Variants in KIF7 observed in about 807,000 individuals in gnomAD.
KIF7 encodes kinesin family member 7.
Under a neutral mutation model 135.7 loss-of-function variants are expected in KIF7, and 104 were observed. The ratio of observed to expected loss-of-function variants is 0.77; its 90% CI spans 0.65 to 0.90. The LOEUF is 0.90. KIF7 is among the 40% of genes least tolerant of loss of function. KIF7 has a pLI of 0.00. For missense variants in KIF7, 2,005 were observed against 1,839.1 expected (o/e 1.09, Z -1.65); for synonymous variants, 883 against 809.4 (o/e 1.09, Z -1.54).
chr15:89,637,619 G>A (rs1160249935), intron 11 of KIF7, among the ~76,000 whole-genome samples: 1 of 148,728 alleles, frequency 6.7e-6, no homozygotes, highest in Non-Finnish European at 1.5e-5. Flanking sequence ...GACTAAACCA[G>A]GAAGAAGTTG....
Position 89,648,982 on chromosome 15 carries a change from C to T in KIF7, c.915G>A (p.Lys305=), listed in dbSNP as rs1964074140. 1.3e-6 allele frequency: 2 copies of T among 1,538,152 alleles called. No homozygotes were observed. Among genetic ancestry groups the T allele is most frequent in the Non-Finnish European group, 1.8e-6 (2 of 1,140,760 alleles). ...GCCAGGGGGCAGCTCACCGGGTGAT[C>T]TTGGAGTCGCGGTAGGGTATGTGGC... ...RGSHIPYRDS[K]ITRILKDSLG... Residue 305 remains lysine (K), a synonymous_variant, in exon 4 of 19, where the codon AAG becomes AAA. Coordinates refer to ENST00000394412, the MANE Select transcript of KIF7 (RefSeq NM_198525.3).
chr15:89,648,140 G>C (rs1964049275), intron 5 of KIF7, 115 bp downstream of exon 5: 4 of 1,341,668 alleles, frequency 3.0e-6, no homozygotes, highest in Non-Finnish European at 3.8e-6. Flanking sequence ...AATCCCGAAC[G>C]TGCCCTGCTA....
rs1441761364 is a variant in KIF7 at position 89,645,022 on chromosome 15, C to T, written c.2182G>A (p.Val728Ile). 8 of 1,608,192 alleles carry T rather than the reference C, an allele frequency of 5.0e-6. No homozygotes were observed. Among genetic ancestry groups the T allele is most frequent in the Non-Finnish European group, 6.8e-6 (8 of 1,179,998 alleles). The change falls in exon 10 of 19, where the codon GTC (valine) becomes ATC (isoleucine). Residue 728 changes from valine (V) to isoleucine (I), a missense_variant. Val to Ile is a conservative substitution (Grantham distance 29). Coordinates refer to ENST00000394412, the MANE Select transcript of KIF7 (RefSeq NM_198525.3). Reference sequence around the variant, plus strand: ...GATGCCCACGCCTCACCTGTGCGGACCAGCTCGCCAATAAGCTCCTCCTTC... The same window carrying T: ...GATGCCCACGCCTCACCTGTGCGGATCAGCTCGCCAATAAGCTCCTCCTTC... ...RMKEELIGEL[V>I]RTGKAAQALN...
At chr15:89,646,097 C>T in intron 7 of KIF7, 71 bp from the exon 8 acceptor site, 1 of 1,579,068 alleles carries the variant, frequency 6.3e-7, no homozygotes, top group African/African-American at 1.3e-5. Flanking sequence ...CTGCCCTCCT[C>T]ATATCTCTCC....
intron 1 of KIF7, chr15:89,619,971 G>A: frequency 2.7e-6 from 3 of 1,131,888 alleles, no homozygotes. Flanking sequence ...ATGTCTAGTT[G>A]AGGTTCAGGG....
At chr15:89,633,084 T>C in intron 13 of KIF7, 57 bp downstream of exon 13, 4 of 1,600,288 alleles carry the variant, frequency 2.5e-6, no homozygotes, top group Non-Finnish European at 2.5e-6. Context: ...GGGAGAAAGG[T>C]GCACCCACCA....
chr15:89,624,489 G>T, downstream of KIF7: 1 of 1,614,068 alleles, frequency 6.2e-7, no homozygotes, highest in Non-Finnish European at 8.5e-7. Flanking sequence ...ATCCCAGAAG[G>T]AGCATCGTGG....
chr15:89,626,676 G>A (rs958197673), downstream of KIF7, among the ~76,000 whole-genome samples: 4 of 152,210 alleles, frequency 2.6e-5, no homozygotes, highest in East Asian at 3.9e-4. Context: ...CCAGAGATCT[G>A]AGACCTAGAA....
downstream of KIF7, chr15:89,627,299 C>A: frequency 1.7e-6 from 1 of 591,392 alleles, no homozygotes; most frequent in South Asian, 2.4e-5. Flanking sequence ...AGGTGGATGG[C>A]AATGTGATTG....
chr15:89,645,187 G>A (rs1300654993), intron 9 of KIF7, 22 bp from the exon 10 acceptor site: 1 of 1,605,234 alleles, frequency 6.2e-7, no homozygotes, highest in Admixed American at 1.7e-5. Context: ...AGCCTGTCAA[G>A]GTTGCTGCCC....
At chr15:89,644,874 G>A (rs1963982626) in intron 10 of KIF7, 139 bp downstream of exon 10, 1 of 1,095,212 alleles carries the variant, frequency 9.1e-7, no homozygotes. Flanking sequence ...AGCTGGAAGA[G>A]GCTGGGCTGA....
At chr15:89,621,519 C>T in intron 1 of KIF7, 1 of 1,613,776 alleles carries the variant, frequency 6.2e-7, no homozygotes, top group Non-Finnish European at 8.5e-7. Context: ...TCAAGAAACA[C>T]TTTGGATTCG....
At chr15:89,618,107 A>ATTAC (rs993322859) in exon 2 of KIF7, 3 of 1,580,928 alleles carry the variant, frequency 1.9e-6, no homozygotes, top group Admixed American at 1.7e-5. Flanking sequence ...ATAAGTGTTA[A>ATTAC]TTACAAGTGG....
Position 89,645,092 on chromosome 15 carries a change from G to A in KIF7, c.2112C>T (p.Ala704=), listed in dbSNP as rs1031243971. The A allele has an allele frequency of 1.2e-6, 2 of 1,603,644 alleles. No homozygotes were observed. Among genetic ancestry groups the A allele is most frequent in the Non-Finnish European group, 8.5e-7 (1 of 1,179,892 alleles). The change falls in exon 10 of 19, where the codon GCC becomes GCT. Residue 704 remains alanine (A), a synonymous_variant. Coordinates refer to ENST00000394412, the MANE Select transcript of KIF7 (RefSeq NM_198525.3). ...PPATASEWRL[A]QAQQKIRELA... is the part of the protein sequence containing the mutation. ...GCTCCCGGATCTTCTGCTGGGCCTG[G>A]GCCAGCCGCCACTCTGAGGCTGTGG...
chr15:89,639,621 T>C (rs1206959537), intron 11 of KIF7, among the ~76,000 whole-genome samples: 1 of 132,952 alleles, frequency 7.5e-6, no homozygotes, highest in Non-Finnish European at 1.6e-5. Flanking sequence ...AGAATGGCAA[T>C]CATTAAAAAG....
intron 2 of KIF7, 134 bp from the exon 3 acceptor site, chr15:89,650,075 G>A (rs1964100828): frequency 1.1e-6 from 1 of 885,656 alleles, no homozygotes; most frequent in Non-Finnish European, 1.8e-6. Context: ...GCCGAGGCCA[G>A]GATGGGACAG....
chr15:89,631,528 GC>G lies in KIF7; in HGVS notation c.3077del (p.Gly1026AlafsTer3). On this transcript the variant is annotated frameshift_variant, in exon 15 of 19. Transcript: ENST00000394412. LOFTEE classifies it high-confidence loss of function. The part of the protein sequence containing the change: ...SLLKQRLEID[G>X]KLRQGSLLSP... The stretch of plus-strand genomic sequence containing the variant: ...ACAGCAGACTCCCCTGCCTCAGCTT[GC>G]CGTCGATCTCCAGGCGCTGCTTGAG... 6.3e-7 allele frequency: 1 copy of G among 1,582,830 alleles called. No homozygotes were observed. The highest frequency in any genetic ancestry group is 8.6e-7 in the Non-Finnish European group (1 of 1,163,876).
At position 89,619,883 on chromosome 15, in the gene KIF7, C is replaced by T. The variant is rs368700921; in HGVS notation, c.181-1688G>A. 4 of 1,559,436 alleles carry T rather than the reference C, an allele frequency of 2.6e-6. No individual in the cohort carries two copies. In the African/African-American group the frequency reaches 4.2e-5, roughly 16 times the overall value. On this transcript the variant is annotated intron_variant and NMD_transcript_variant, in intron 1 of 2. Transcript: ENST00000558928. ...CTCTGCCTTCACAAGTCCGTGCTGA[C>T]TTGGTGAGAAGTGTTTTTGGGAAAA...
Position 89,632,951 on chromosome 15 carries a change from C to T in KIF7, c.2764G>A (p.Val922Met). 2 of 1,607,886 alleles carry T rather than the reference C, an allele frequency of 1.2e-6. No homozygotes were observed. The highest frequency in any genetic ancestry group is 1.7e-6 in the Non-Finnish European group (2 of 1,179,610). Reference protein sequence around the residue: ...KKWLDQEMEKVLQQRRALEEL... With the variant: ...KKWLDQEMEKMLQQRRALEEL... ...TCCAGCGCCCGCCGCTGCTGTAGCA[C>T]CTTCTCCATCTCCTGGTCCAGCCAC... Residue 922 changes from valine (V) to methionine (M), a missense_variant, in exon 14 of 19, where the codon GTG (valine) becomes ATG (methionine). By Grantham distance (21) the Val-to-Met change is conservative. Transcript: ENST00000394412.
Sources: gnomAD v4.1 joint callset for allele counts (sites outside exome capture counted in the v4.1 genomes callset) on GRCh38, gnomAD v4.1.1 for gene constraint, MANE v1.5 for transcripts, NCBI Gene and HGNC (gene_info 2026-07-23, HGNC 2026-07-21) for gene names.